Variants in CENPL observed in about 807,000 individuals in gnomAD.
CENPL encodes interphase centromere complex protein 33.
In CENPL, 20 loss-of-function variants were observed where a neutral mutation model predicts 35.2. The observed-to-expected ratio is 0.57, with a 90% CI of 0.40 to 0.83. The LOEUF is 0.83. CENPL is among the 40% of genes least tolerant of loss of function. The probability of loss-of-function intolerance (pLI) is 0.00; values close to 1 mark genes in which losing one functional copy is unlikely to be tolerated. For synonymous variants in CENPL, 140 were observed against 140.6 expected, an observed-to-expected ratio of 1.00 and a Z score of 0.03; for missense variants, 363 against 395.8, an observed-to-expected ratio of 0.92 and a Z score of 0.70.
At chr1:173,814,012 G>C (rs1459971681) in intron 2 of CENPL, among the ~76,000 whole-genome samples, 1 of 152,066 alleles carries the variant, frequency 6.6e-6, no homozygotes, top group Non-Finnish European at 1.5e-5. Flanking sequence ...GCAAAAAAAA[G>C]CAGGGGTTGC....
chr1:173,818,924 G>A (rs1182770514), intron 2 of CENPL, among the ~76,000 whole-genome samples: 4 of 152,072 alleles, frequency 2.6e-5, no homozygotes, highest in East Asian at 1.9e-4. Flanking sequence ...TCAATTAAAC[G>A]GAAGTATTTC....
chr1:173,805,158 C>G (rs976664296), intron 4 of CENPL, among the ~76,000 whole-genome samples: 1 of 152,160 alleles, frequency 6.6e-6, no homozygotes, highest in African/African-American at 2.4e-5. Context: ...CTCTGTGCAT[C>G]AAGTGCTTCA....
At chr1:173,819,294 TTA>T (rs909424588) in intron 2 of CENPL, among the ~76,000 whole-genome samples, 1 of 152,076 alleles carries the variant, frequency 6.6e-6, no homozygotes, top group Admixed American at 6.6e-5. Flanking sequence ...CATTTCAAAG[TTA>T]TGATTAGTCT....
At chr1:173,804,979 T>G (rs867908299) in intron 4 of CENPL, among the ~76,000 whole-genome samples, 2 of 152,346 alleles carry the variant, frequency 1.3e-5, no homozygotes, top group Middle Eastern at 3.4e-3. Flanking sequence ...GCTGGAAGCT[T>G]AGATATATTA....
In CENPL at chr1:173,800,509, T is replaced by A; in HGVS notation, c.974A>T (p.His325Leu). 1 of 1,443,928 alleles carries A rather than the reference T, an allele frequency of 6.9e-7. No homozygotes were observed. Among genetic ancestry groups the A allele is most frequent in the Non-Finnish European group, 9.7e-7 (1 of 1,034,852 alleles). 89.4% of individuals were successfully genotyped at this position (1,443,928 alleles called of 1,614,324 possible). Residue 325 changes from histidine to leucine, a missense_variant, in exon 6 of 6, where the codon CAT (histidine) becomes CTT (leucine). His to Leu is a moderately conservative substitution (Grantham distance 99, BLOSUM62 -3). Coordinates refer to ENST00000682279, the MANE Select transcript of CENPL (RefSeq NM_001387287.1). ...TGCTAACACTCCAATAAGGTATTTA[T>A]GACACAGAATCTGCAAAAAGAAAAA... ...HTDGKIKILC[H>L]KYLIGVLAYL...
At position 173,807,514 on chromosome 1, in the gene CENPL, T is replaced by A; in HGVS notation, c.173A>T (p.Asp58Val). 3.4e-6 allele frequency: 5 copies of A among 1,461,834 alleles called. No homozygotes were observed. The highest frequency in any genetic ancestry group is 4.6e-6 in the Non-Finnish European group (5 of 1,097,840). 90.6% of individuals were successfully genotyped at this position (1,461,834 alleles called of 1,614,324 possible). The change falls in exon 4 of 6, where the codon GAT becomes GTT. Residue 58 changes from aspartate (D) to valine (V), a missense_variant. Asp to Val is a radical substitution (Grantham distance 152). Coordinates refer to ENST00000682279, the MANE Select transcript of CENPL (RefSeq NM_001387287.1). ...KIPQCSQLQE[D>V]VDPQKVAFLL... is the part of the protein sequence containing the mutation. ...GAATGCAACCTTTTGAGGGTCAACATCTTCCTATAAAAAAAAATCAAGACA... is the reference window on the plus strand; with the variant it reads ...GAATGCAACCTTTTGAGGGTCAACAACTTCCTATAAAAAAAAATCAAGACA...
At chr1:173,811,522 C>T (rs895811289) in intron 2 of CENPL, among the ~76,000 whole-genome samples, 1 of 152,116 alleles carries the variant, frequency 6.6e-6, no homozygotes, top group Non-Finnish European at 1.5e-5. Flanking sequence ...AGTATATGTT[C>T]AAAACTAAAT....
At chr1:173,820,964 G>A (rs1406578252) in intron 2 of CENPL, among the ~76,000 whole-genome samples, 1 of 152,160 alleles carries the variant, frequency 6.6e-6, no homozygotes, top group African/African-American at 2.4e-5. Flanking sequence ...ACTGTATCTT[G>A]ACTGTAGTGA....
At chr1:173,808,086 A>T (rs1038680703) in intron 3 of CENPL, among the ~76,000 whole-genome samples, 8 of 152,126 alleles carry the variant, frequency 5.3e-5, no homozygotes, top group South Asian at 2.1e-4. Context: ...CCATTCCTAA[A>T]GTATCTAATT....
rs1051595781 is a variant in CENPL at position 173,809,916 on chromosome 1, T to G, written c.168+1216A>C. On this transcript the variant is annotated intron_variant, in intron 3 of 5. Transcript: ENST00000682279. ...AATGCTTATACATTGTTGGTAGGAG[T>G]GTGAATTAGTTCAACCATTGTGGAA... 2.0e-5 allele frequency among the ~76,000 whole-genome samples: 3 copies of G among 151,760 alleles called. No individual in the cohort carries two copies. The South Asian group carries it at 6.2e-4, about 32-fold the overall frequency.
intron 2 of CENPL, among the ~76,000 whole-genome samples, chr1:173,817,667 A>G (rs1199100434): frequency 6.6e-6 from 1 of 152,248 alleles, no homozygotes; most frequent in African/African-American, 2.4e-5. Flanking sequence ...ATATACCCAA[A>G]GGATTATAAA....
intron 3 of CENPL, among the ~76,000 whole-genome samples, chr1:173,810,868 G>C (rs1344867698): frequency 6.6e-6 from 1 of 152,158 alleles, no homozygotes; most frequent in African/African-American, 2.4e-5. Context: ...AGTGAGCCAA[G>C]ATCGCGCCAC....
chr1:173,800,608 T>A (rs933008928), intron 5 of CENPL, 89 bp from the exon 6 acceptor site: 1 of 591,320 alleles, frequency 1.7e-6, no homozygotes, highest in African/African-American at 1.9e-5. Flanking sequence ...CAATGTTATA[T>A]TGGTTTAACT....
chr1:173,817,735 G>A (rs1037107458), intron 2 of CENPL, among the ~76,000 whole-genome samples: 11 of 152,310 alleles, frequency 7.2e-5, no homozygotes, highest in South Asian at 2.1e-4. Flanking sequence ...ATTCACAATA[G>A]CAAAGACTTG....
At position 173,823,506 on chromosome 1, in the gene CENPL, A is replaced by T. The variant is rs1316831412; in HGVS notation, c.-8+420T>A. On this transcript the variant is annotated intron_variant, in intron 2 of 5. Transcript: ENST00000682279. ...AACATGCACCCCCTACTCTAGACAG[A>T]TGATCACTCTACTGTTCTCCCTGCC... The T allele has an allele frequency of 2.6e-5, 4 of 152,360 alleles. No individual in the cohort carries two copies. The East Asian group carries it at 7.7e-4, about 29-fold the overall frequency. 9.4% of individuals were successfully genotyped at this position (152,360 alleles called of 1,614,324 possible). A position where few individuals can be genotyped will look rare whatever the true frequency, so the allele number is the denominator to read the frequency against.
chr1:173,816,380 AT>A (rs1651378318), intron 2 of CENPL, among the ~76,000 whole-genome samples: 1 of 152,210 alleles, frequency 6.6e-6, no homozygotes, highest in South Asian at 2.1e-4. Flanking sequence ...TGCCAAGACA[AT>A]CCTAAGCAAA....
intron 4 of CENPL, among the ~76,000 whole-genome samples, chr1:173,804,167 G>C (rs1350621737): frequency 6.6e-6 from 1 of 152,178 alleles, no homozygotes; most frequent in Non-Finnish European, 1.5e-5. Context: ...ATTGAGGAAG[G>C]CTTCAATATT....
intron 2 of CENPL, among the ~76,000 whole-genome samples, chr1:173,820,053 C>A (rs1651800561): frequency 6.6e-6 from 1 of 152,004 alleles, no homozygotes; most frequent in African/African-American, 2.4e-5. Context: ...GCATCCCTTA[C>A]CCAAAATGCT....
At chr1:173,821,804 CTTTTTTTT>C (rs57573875) in intron 2 of CENPL, 2 of 90,996 alleles carry the variant, frequency 2.2e-5, no homozygotes, top group Non-Finnish European at 3.9e-5. Flanking sequence ...GTACTTCAGC[CTTTTTTTT>C]TTTTTTTTTT....
Sources: gnomAD v4.1 joint callset for allele counts (sites outside exome capture counted in the v4.1 genomes callset) on GRCh38, gnomAD v4.1.1 for gene constraint, MANE v1.5 for transcripts, NCBI Gene and HGNC (gene_info 2026-07-23, HGNC 2026-07-21) for gene names.